Variants in TENM3 observed in about 807,000 individuals in gnomAD.
TENM3 encodes the protein teneurin-3.
A neutral mutation model predicts 255.1 loss-of-function variants in TENM3; 63 were observed. The observed-to-expected ratio is 0.25, with a 90% confidence interval of 0.20 to 0.30. The LOEUF (loss-of-function observed/expected upper bound fraction) is 0.30, where lower values mean the gene tolerates loss of function less well. Ranked by LOEUF, TENM3 falls within the 10% of genes least tolerant of loss-of-function variation. The pLI, the probability that TENM3 is intolerant of heterozygous loss-of-function variation, is 1.00. For synonymous variants in TENM3, 1,306 were observed against 1,322.3 expected (o/e 0.99, Z 0.27); for missense variants, 2,929 against 3,461.1 (o/e 0.85, Z 3.86).
At chr4:181,842,438 T>G in the TENM3 span, among the ~76,000 whole-genome samples, 190 of 152,348 alleles carry the variant, frequency 1.2e-3, no homozygotes, top group African/African-American at 4.5e-3. Flanking sequence ...TAAATTGGCA[T>G]GACTGAAGTG....
Position 182,692,755 on chromosome 4 carries a change from A to G in TENM3, c.2221+4404A>G, listed in dbSNP as rs181882593. ...TTGGAACCTCCCAAGTAATCGTAGT[A>G]TTGTTAAAGTTTAATACTATGATTA... On this transcript the variant is annotated intron_variant, in intron 12 of 27. Transcript: ENST00000511685. Among the ~76,000 whole-genome samples, 7 of 152,324 alleles carry G rather than the reference A, an allele frequency of 4.6e-5. No homozygotes were observed. The East Asian group carries it at 1.4e-3, about 29-fold the overall frequency.
At chr4:181,543,708 AC>A in the TENM3 span, among the ~76,000 whole-genome samples, 1 of 152,068 alleles carries the variant, frequency 6.6e-6, no homozygotes, top group East Asian at 1.9e-4. Flanking sequence ...CCATTCTTCA[AC>A]CTGGCTCCCT....
At chr4:182,220,657 T>G (rs1482470177) in intron 1 of TENM3, among the ~76,000 whole-genome samples, 4 of 152,208 alleles carry the variant, frequency 2.6e-5, no homozygotes, top group Non-Finnish European at 5.9e-5. Context: ...GGTAGTAGTA[T>G]TTTCTTATGG....
rs190034878 is a variant in TENM3, at chr4:182,211,601, A to G, written c.-76+66847A>G. ...TCAGAAATCAAATCTATCACCACCT[A>G]TAAAAAATCATTATCAATTCAGCTT... is the stretch of plus-strand genomic sequence containing the variant. On this transcript the variant is annotated intron_variant, in intron 1 of 2. Coordinates refer to the TENM3 transcript ENST00000512480. Among the ~76,000 whole-genome samples the G allele has an allele frequency of 5.9e-5, 9 of 152,328 alleles. No homozygotes were observed. In the East Asian group the frequency reaches 1.7e-3, roughly 29 times the overall value.
intron 3 of TENM3, among the ~76,000 whole-genome samples, chr4:182,419,877 G>A (rs1339758286): frequency 6.6e-6 from 1 of 150,852 alleles, no homozygotes; most frequent in Non-Finnish European, 1.5e-5. Flanking sequence ...TCGTGGGGTG[G>A]GGGAGGGGGA....
intron 2 of TENM3, among the ~76,000 whole-genome samples, chr4:182,345,528 TC>T (rs1764744626): frequency 6.6e-6 from 1 of 152,184 alleles, no homozygotes; most frequent in African/African-American, 2.4e-5. Flanking sequence ...AGGTTACTAT[TC>T]TTTACCTATA....
chr4:181,927,353 T>G, the TENM3 span, among the ~76,000 whole-genome samples: 3 of 152,190 alleles, frequency 2.0e-5, no homozygotes, highest in East Asian at 5.8e-4. Context: ...GCGTTTGCCA[T>G]TACTGGGGCC....
chr4:181,686,310 C>T, the TENM3 span, among the ~76,000 whole-genome samples: 3 of 152,082 alleles, frequency 2.0e-5, no homozygotes, highest in African/African-American at 7.2e-5. Context: ...GTGATAATTC[C>T]TTGTTTCAGA....
intron 1 of TENM3, among the ~76,000 whole-genome samples, chr4:182,287,778 TA>T (rs1026983223): frequency 1.3e-5 from 2 of 149,550 alleles, no homozygotes; most frequent in Non-Finnish European, 3.0e-5. Flanking sequence ...CACACCCGTC[TA>T]ATTTTGTTTT....
the TENM3 span, among the ~76,000 whole-genome samples, chr4:181,952,896 A>G: frequency 0.18 from 27,581 of 152,156 alleles, 2,876 homozygotes; most frequent in African/African-American, 0.28. Context: ...CTCATTCCAG[A>G]GTCTTTTTAC....
chr4:182,097,671 C>A, the TENM3 span, among the ~76,000 whole-genome samples: 150 of 151,840 alleles, frequency 9.9e-4, 1 homozygote, highest in African/African-American at 3.3e-3. Flanking sequence ...TAGGCTGGCC[C>A]CGTGTGGTCC....
intron 13 of TENM3, among the ~76,000 whole-genome samples, chr4:182,727,402 G>A: frequency 6.7e-6 from 1 of 150,106 alleles, no homozygotes; most frequent in East Asian, 2.0e-4. Flanking sequence ...GTTGCAGTGA[G>A]CTGAGATCGT....
the TENM3 span, among the ~76,000 whole-genome samples, chr4:181,932,170 G>C: frequency 9.9e-5 from 15 of 152,218 alleles, no homozygotes; most frequent in Non-Finnish European, 2.1e-4. Flanking sequence ...TGACAAATGG[G>C]ATCTAATTAA....
At chr4:181,660,800 T>G in the TENM3 span, among the ~76,000 whole-genome samples, 4 of 152,192 alleles carry the variant, frequency 2.6e-5, no homozygotes, top group Non-Finnish European at 5.9e-5. Context: ...TGAGGCATTA[T>G]GGATGGATGA....
intron 3 of TENM3, among the ~76,000 whole-genome samples, chr4:182,524,373 T>C (rs1429979308): frequency 7.2e-6 from 1 of 139,784 alleles, no homozygotes; most frequent in Admixed American, 7.3e-5. Context: ...TTTTTTTTTT[T>C]TTTTTTGAGT....
At chr4:181,792,633 T>A in the TENM3 span, among the ~76,000 whole-genome samples, 1 of 152,230 alleles carries the variant, frequency 6.6e-6, no homozygotes, top group Non-Finnish European at 1.5e-5. Context: ...AAATCTCAAA[T>A]AGCCTCTTCC....
At chr4:181,621,528 C>T in the TENM3 span, among the ~76,000 whole-genome samples, 1 of 152,134 alleles carries the variant, frequency 6.6e-6, no homozygotes, top group African/African-American at 2.4e-5. Flanking sequence ...TCTCTGCCAT[C>T]GTAAGCAGTG....
chr4:181,604,262 C>T, the TENM3 span, among the ~76,000 whole-genome samples: 2 of 151,698 alleles, frequency 1.3e-5, no homozygotes, highest in African/African-American at 4.8e-5. Flanking sequence ...GAGACTCCGT[C>T]TAAAAAAAAG....
the TENM3 span, among the ~76,000 whole-genome samples, chr4:181,691,029 T>C: frequency 3.9e-5 from 6 of 152,198 alleles, no homozygotes; most frequent in Non-Finnish European, 8.8e-5. Context: ...GCTATTTTTT[T>C]CTTTATGCTA....
Sources: allele counts gnomAD v4.1 joint callset (sites outside exome capture counted in the v4.1 genomes callset), GRCh38; gene constraint gnomAD v4.1.1; transcripts MANE v1.5; gene names NCBI Gene and HGNC (gene_info 2026-07-23, HGNC 2026-07-21).